Variants in SHANK2 observed in about 807,000 individuals in gnomAD.
SHANK2 encodes SH3 and multiple ankyrin repeat domains 2.
A neutral mutation model predicts 133.7 loss-of-function variants in SHANK2; 43 were observed. The ratio of observed to expected loss-of-function variants is 0.32; its 90% CI spans 0.25 to 0.41. SHANK2 has a LOEUF of 0.41. Among genes scored for constraint, SHANK2 ranks in the 10% least tolerant of loss-of-function variants. The pLI is 1.00. For synonymous variants in SHANK2, 1,017 were observed against 952.8 expected (o/e 1.07, Z -1.24); for missense variants, 1,994 against 2,235.8 (o/e 0.89, Z 2.18).
chr11:70,938,751 A>G lies in SHANK2; in HGVS notation c.1108-42184T>C, dbSNP rs148046854. On this transcript the variant is annotated intron_variant, in intron 10 of 25. Transcript: ENST00000601538. Reference sequence around the variant, plus strand: ...GGAGGAGAGTTCCAGGCAGAGGAACAGCATATGCAAAATGCCAGAGGTCAG... The same window carrying G: ...GGAGGAGAGTTCCAGGCAGAGGAACGGCATATGCAAAATGCCAGAGGTCAG... 1.8e-4 allele frequency among the ~76,000 whole-genome samples: 27 copies of G among 152,282 alleles called. No homozygotes were observed. In the East Asian group the frequency reaches 5.0e-3, roughly 28 times the overall value.
At chr11:70,815,729 G>T (rs1948379685) in intron 12 of SHANK2, among the ~76,000 whole-genome samples, 1 of 152,212 alleles carries the variant, frequency 6.6e-6, no homozygotes, top group Admixed American at 6.5e-5. Flanking sequence ...CCCGGTGGGG[G>T]CCCTGGGGAG....
intron 8 of SHANK2, among the ~76,000 whole-genome samples, chr11:71,085,465 T>C (rs1163461684): frequency 7.9e-6 from 1 of 126,394 alleles, no homozygotes; most frequent in Non-Finnish European, 1.6e-5. Context: ...TAAATATATA[T>C]ATATATATAA....
intron 14 of SHANK2, among the ~76,000 whole-genome samples, chr11:70,741,798 G>C (rs1452618738): frequency 6.6e-6 from 1 of 152,156 alleles, no homozygotes; most frequent in East Asian, 1.9e-4. Flanking sequence ...CGTCCATAAG[G>C]GACCATCCTA....
chr11:70,882,957 G>A lies in SHANK2; in HGVS notation c.1174+13544C>T, dbSNP rs1238498672. Among the ~76,000 whole-genome samples, 1 of 152,116 alleles carries A rather than the reference G, an allele frequency of 6.6e-6. No homozygotes were observed. Among genetic ancestry groups the A allele is most frequent in the Non-Finnish European group, 1.5e-5 (1 of 68,020 alleles). ...GAGGGCGGGCTTGCCTGCGGCCTGT[G>A]GGAGGGGAGGGCAGGAGCCAGGGTC... On this transcript the variant is annotated intron_variant, in intron 11 of 25. Transcript: ENST00000601538. This position sits in a 1 kb window ranked among gnomAD's most constrained non-coding sequence, Gnocchi z 4.2.
chr11:71,146,709 C>T (rs1393222406), intron 3 of SHANK2, among the ~76,000 whole-genome samples: 1 of 152,100 alleles, frequency 6.6e-6, no homozygotes, highest in African/African-American at 2.4e-5. Context: ...GAGTCCGGCA[C>T]CAGGAAGAGG....
At chr11:71,145,203 G>A (rs12801402) in intron 3 of SHANK2, among the ~76,000 whole-genome samples, 21,081 of 152,176 alleles carry the variant, frequency 0.14, 1,599 homozygotes, top group Middle Eastern at 0.18. Context: ...CCCCCACAAC[G>A]GGTGTCTAAT....
At chr11:71,066,053 C>G (rs1951053885) in intron 9 of SHANK2, among the ~76,000 whole-genome samples, 1 of 134,926 alleles carries the variant, frequency 7.4e-6, no homozygotes, top group Non-Finnish European at 1.5e-5. Flanking sequence ...GGGTACAGAA[C>G]TCTCCCAGGG....
chr11:71,146,027 T>C (rs1952635868), intron 3 of SHANK2, among the ~76,000 whole-genome samples: 1 of 152,186 alleles, frequency 6.6e-6, no homozygotes, highest in African/African-American at 2.4e-5. Flanking sequence ...ATGTCTACCA[T>C]GTCTACTCCA....
Position 71,171,531 on chromosome 11 carries a change from A to G in SHANK2, c.-12-24193T>C, listed in dbSNP as rs565009057. Among the ~76,000 whole-genome samples the G allele has an allele frequency of 7.8e-4, 119 of 152,286 alleles. 1 individual carries two copies. Among genetic ancestry groups the G allele is most frequent in the Middle Eastern group, 3.4e-3 (1 of 294 alleles). On this transcript the variant is annotated intron_variant, in intron 2 of 25. Transcript: ENST00000601538. ...AAGTCCTGAAGTCCAAAGGCTTTGG[A>G]GTTGTCCAAAGACAAGAGAGGATGA... is the stretch of plus-strand genomic sequence containing the variant.
At chr11:71,214,540 A>C (rs1281190223) in intron 2 of SHANK2, among the ~76,000 whole-genome samples, 1 of 152,226 alleles carries the variant, frequency 6.6e-6, no homozygotes, top group Non-Finnish European at 1.5e-5. Context: ...GTTTCCGAAG[A>C]AGTGTCATCT....
At chr11:71,191,443 A>G (rs1953791204) in intron 2 of SHANK2, among the ~76,000 whole-genome samples, 1 of 152,032 alleles carries the variant, frequency 6.6e-6, no homozygotes, top group African/African-American at 2.4e-5. Flanking sequence ...CTTGGCTTGC[A>G]GACACCACCT....
At chr11:71,237,423 C>T (rs1339086566) in intron 1 of SHANK2, among the ~76,000 whole-genome samples, 3 of 152,290 alleles carry the variant, frequency 2.0e-5, no homozygotes, top group East Asian at 3.9e-4. Flanking sequence ...CTGCACAGCA[C>T]GCAAGCACGA....
At chr11:70,502,057 C>T in intron 19 of SHANK2, 126 bp from the exon 20 acceptor site, 14 of 1,324,072 alleles carry the variant, frequency 1.1e-5, no homozygotes, top group Non-Finnish European at 1.5e-5. Context: ...GCGGGGCATG[C>T]AGGGGCATTT....
chr11:70,501,145 T>G (rs2059045036), intron 20 of SHANK2, among the ~76,000 whole-genome samples: 1 of 152,148 alleles, frequency 6.6e-6, no homozygotes, highest in Non-Finnish European at 1.5e-5. Context: ...CACTACTGGT[T>G]CTGGGTGGGT....
chr11:70,558,775 G>A (rs1311157102), intron 17 of SHANK2, among the ~76,000 whole-genome samples: 4 of 152,178 alleles, frequency 2.6e-5, no homozygotes, highest in African/African-American at 4.8e-5. Flanking sequence ...ACACACTGAC[G>A]GCCCAGAGCG....
chr11:70,901,423 G>A (rs1355795748), intron 10 of SHANK2, among the ~76,000 whole-genome samples: 1 of 152,194 alleles, frequency 6.6e-6, no homozygotes, highest in African/African-American at 2.4e-5. Context: ...CTGCGCAGGG[G>A]AAGGACTAGT....
intron 8 of SHANK2, among the ~76,000 whole-genome samples, chr11:71,080,906 G>A (rs1017489302): frequency 9.2e-5 from 14 of 152,316 alleles, no homozygotes; most frequent in African/African-American, 3.4e-4. Context: ...CACGGGCAGC[G>A]GACGGGCTGT....
At chr11:71,197,828 GA>G (rs1382369500) in intron 2 of SHANK2, among the ~76,000 whole-genome samples, 1 of 152,160 alleles carries the variant, frequency 6.6e-6, no homozygotes, top group Non-Finnish European at 1.5e-5. Flanking sequence ...TTGATTAACC[GA>G]AAGGCCATTT....
Position 70,568,005 on chromosome 11 carries a change from G to GATGTGAA in SHANK2, c.2062-65081_2062-65075dup, listed in dbSNP as rs1445462809. Among the ~76,000 whole-genome samples the GATGTGAA allele has an allele frequency of 5.3e-5, 8 of 152,360 alleles. No homozygotes were observed. In the South Asian group the frequency reaches 1.4e-3, roughly 28 times the overall value. On this transcript the variant is annotated intron_variant, in intron 17 of 25. Transcript: ENST00000601538. ...AACAAAAGAGTTAATGGGGAGACAG[G>GATGTGAA]ATGTGAAATGGGTCTGGGCCATCAG...
Sources: gnomAD v4.1 joint callset for allele counts (sites outside exome capture counted in the v4.1 genomes callset) on GRCh38, gnomAD v4.1.1 for gene constraint, Gnocchi (gnomAD v3.1) non-coding constraint, MANE v1.5 for transcripts, NCBI Gene and HGNC (gene_info 2026-07-23, HGNC 2026-07-21) for gene names.